The following SPTBN4 variants were observed in gnomAD, a reference collection of about 807,000 sequenced individuals.
SPTBN4 encodes spectrin beta chain, non-erythrocytic 4.
A neutral mutation model predicts 277.8 loss-of-function variants in SPTBN4; 96 were observed. The observed-to-expected ratio is 0.35, with a 90% CI of 0.29 to 0.41. The LOEUF is 0.41. SPTBN4 is among the 10% of genes least tolerant of loss of function. The pLI, the probability that SPTBN4 is intolerant of heterozygous loss-of-function variation, is 1.00. For missense variants in SPTBN4, 3,006 were observed against 3,595.7 expected (o/e 0.84, Z 4.19); for synonymous variants, 1,481 against 1,580.3 (o/e 0.94, Z 1.49).
intron 7 of SPTBN4, among the ~76,000 whole-genome samples, chr19:40,498,414 TTTA>T (rs2080226127): frequency 6.7e-6 from 1 of 148,472 alleles, no homozygotes; most frequent in African/African-American, 2.5e-5. Flanking sequence ...TATTTATTTA[TTTA>T]TTTTTTTAGA....
At position 40,568,027 on chromosome 19, in the gene SPTBN4, A is replaced by G; in HGVS notation, c.6701A>G (p.Gln2234Arg). Residue 2234 changes from glutamine (Q) to arginine (R), a missense_variant, in exon 31 of 36, where the codon CAG (glutamine) becomes CGG (arginine). By Grantham distance (43) the Gln-to-Arg change is conservative (BLOSUM62 1). Transcript: ENST00000598249. The part of the protein sequence containing the change: ...AEQVRPRPER[Q>R]ESADRAEELP... ...CAGGTGCGGCCACGACCGGAGCGCCAGGAGTCAGCTGATCGCGCGGAGGAG... is the reference window on the plus strand; with the variant it reads ...CAGGTGCGGCCACGACCGGAGCGCCGGGAGTCAGCTGATCGCGCGGAGGAG... 6.5e-7 allele frequency: 1 copy of G among 1,545,460 alleles called. No individual in the cohort carries two copies.
intron 7 of SPTBN4, among the ~76,000 whole-genome samples, chr19:40,498,775 C>T (rs1234551604): frequency 1.3e-5 from 2 of 151,814 alleles, no homozygotes; most frequent in African/African-American, 4.8e-5. Context: ...GATCTCGGCT[C>T]ACAGCAACCT....
intron 2 of SPTBN4, among the ~76,000 whole-genome samples, chr19:40,481,794 T>G (rs1027080288): frequency 1.3e-5 from 2 of 151,780 alleles, no homozygotes; most frequent in Non-Finnish European, 2.9e-5. Context: ...GTCTTTTTAA[T>G]TTTAGCCATT....
intron 20 of SPTBN4, among the ~76,000 whole-genome samples, chr19:40,535,560 CA>C (rs56829015): frequency 0.35 from 40,315 of 115,674 alleles, 5,375 homozygotes; most frequent in African/African-American, 0.39. Context: ...TAGTGTATGG[CA>C]AAAAAAAAAA....
intron 20 of SPTBN4, among the ~76,000 whole-genome samples, chr19:40,547,643 C>G (rs1330490603): frequency 1.3e-5 from 2 of 152,190 alleles, no homozygotes; most frequent in Non-Finnish European, 2.9e-5. Context: ...TACATTCCCA[C>G]CAACAGTGTA....
intron 13 of SPTBN4, among the ~76,000 whole-genome samples, chr19:40,511,091 C>A (rs1316328291): frequency 6.6e-6 from 1 of 152,010 alleles, no homozygotes; most frequent in African/African-American, 2.4e-5. Flanking sequence ...GGCACACAGG[C>A]TAACACAGAG....
intron 29 of SPTBN4, 113 bp from the exon 30 acceptor site, chr19:40,566,050 T>C (rs2081088622): frequency 1.7e-6 from 2 of 1,145,244 alleles, no homozygotes; most frequent in Non-Finnish European, 2.4e-6. Flanking sequence ...CCCAGGATGG[T>C]CAGGGCTCGG....
chr19:40,550,082 A>AG (rs1206501397), intron 21 of SPTBN4, among the ~76,000 whole-genome samples, 156 bp from the exon 22 acceptor site: 3 of 151,250 alleles, frequency 2.0e-5, no homozygotes, highest in South Asian at 4.3e-4. Flanking sequence ...CCCATCTCAA[A>AG]GAAAAAAAAA....
chr19:40,532,766 G>A lies in SPTBN4; in HGVS notation c.4090G>A (p.Glu1364Lys), dbSNP rs760167885. ...AQNKEWLEKI[E>K]REGQQLMQEK... ...GAATAAGGAGTGGCTGGAGAAGATC[G>A]AGCGGGTGAGGAAGCTGATGGCCCC... Residue 1364 changes from glutamate to lysine, a missense_variant, in exon 19 of 36, where the codon GAG becomes AAG. Around this residue, in one of 5 missense-constraint regions of SPTBN4, gnomAD observed 1,759 missense variants for 2,061.5 expected, o/e 0.85. Transcript: ENST00000598249. The A allele has an allele frequency of 4.5e-5, 72 of 1,610,348 alleles. No homozygotes were observed. The highest frequency in any genetic ancestry group is 2.2e-5 in the East Asian group (1 of 44,746).
chr19:40,499,662 G>A (rs1299947144), intron 7 of SPTBN4, among the ~76,000 whole-genome samples: 2 of 151,768 alleles, frequency 1.3e-5, no homozygotes, highest in Admixed American at 6.6e-5. Context: ...CTCCCAGAGT[G>A]CCTGGGATTA....
intron 14 of SPTBN4, among the ~76,000 whole-genome samples, chr19:40,513,940 C>T (rs1180038634): frequency 6.6e-6 from 1 of 152,200 alleles, no homozygotes; most frequent in Non-Finnish European, 1.5e-5. Context: ...GGCCCCTCTG[C>T]TGGGAGGCCT....
Position 40,520,171 on chromosome 19 carries a change from A to G in SPTBN4, c.3654+20A>G, listed in dbSNP as rs143588046. 3.7e-3 allele frequency: 4,922 copies of G among 1,340,372 alleles called. 54 individuals are homozygous for G. Among genetic ancestry groups the G allele is most frequent in the African/African-American group, 0.035 (2,223 of 63,726 alleles). The allele number at this position is 1,340,372 out of a possible 1,614,324, so 83.0% of individuals were successfully genotyped here. ...AACCAGGTGCCCACTCGGGGTGTAC[A>G]TTTCGGAGAGGGAGAGTCCGAGGCC... On this transcript the variant is annotated intron_variant, in intron 16 of 35. Transcript: ENST00000598249.
In SPTBN4 at chr19:40,472,733, G is replaced by T. The variant is rs73931308; in HGVS notation, c.112G>T (p.Ala38Ser). 1 of 1,606,950 alleles carries T rather than the reference G, an allele frequency of 6.2e-7. No individual in the cohort carries two copies. Among genetic ancestry groups the T allele is most frequent in the Non-Finnish European group, 8.5e-7 (1 of 1,176,552 alleles). Reference sequence around the variant, plus strand: ...TCGGGGCTGGGAGCGGGAGCAGCCGGCTGCGTCCACCGCAGCGGCCTCGCT... The same window carrying T: ...TCGGGGCTGGGAGCGGGAGCAGCCGTCTGCGTCCACCGCAGCGGCCTCGCT... ...PDRGWEREQPAASTAAASLFE... is the reference protein window; with the variant it reads ...PDRGWEREQPSASTAAASLFE... The change falls in exon 2 of 36, where the codon GCT (alanine) becomes TCT (serine). Residue 38 changes from alanine (A) to serine (S), a missense_variant. Ala to Ser is a moderately conservative substitution (Grantham distance 99). This residue lies in a region of SPTBN4 where 78 missense variants were observed against 65.7 expected (regional missense o/e 1.19). Coordinates refer to ENST00000598249, the MANE Select transcript of SPTBN4 (RefSeq NM_020971.3).
chr19:40,567,171 G>A (rs917352577), intron 30 of SPTBN4: 3 of 455,622 alleles, frequency 6.6e-6, no homozygotes, highest in African/African-American at 6.0e-5. Flanking sequence ...GCACGTGCCT[G>A]TAGTCCCAGC....
At chr19:40,561,786 C>T (rs1214850858) in intron 27 of SPTBN4, among the ~76,000 whole-genome samples, 3 of 148,058 alleles carry the variant, frequency 2.0e-5, no homozygotes, top group South Asian at 2.1e-4. Flanking sequence ...CGTGCCACTG[C>T]ACTCCAGCCT....
At chr19:40,481,129 CAT>C (rs981577433) in intron 2 of SPTBN4, among the ~76,000 whole-genome samples, 69 of 152,242 alleles carry the variant, frequency 4.5e-4, no homozygotes, top group African/African-American at 1.6e-3. Flanking sequence ...ATTTGGTGGA[CAT>C]ATGCGCTTGT....
chr19:40,532,119 G>T lies in SPTBN4; in HGVS notation c.3949-506G>T, dbSNP rs188893265. ...TATCTGGCCATACTGGAGGAACTGG[G>T]GCTAGATATGGGGGCTTCATTTGAT... On this transcript the variant is annotated intron_variant, in intron 18 of 35. Transcript: ENST00000598249. Among the ~76,000 whole-genome samples, 4 of 151,650 alleles carry T rather than the reference G, an allele frequency of 2.6e-5. No individual in the cohort carries two copies. In the East Asian group the frequency reaches 7.8e-4, roughly 30 times the overall value.
chr19:40,554,462 G>C lies in SPTBN4; in HGVS notation c.4953+37G>C, dbSNP rs747171318. 1.0e-5 allele frequency: 15 copies of C among 1,502,058 alleles called. No homozygotes were observed. The East Asian group carries it at 3.0e-4, about 30-fold the overall frequency. 93.0% of individuals were successfully genotyped at this position (1,502,058 alleles called of 1,614,324 possible). A position where few individuals can be genotyped will look rare whatever the true frequency, so the allele number is the denominator to read the frequency against. On this transcript the variant is annotated intron_variant, in intron 23 of 35. Transcript: ENST00000598249. This position sits in a 1 kb window ranked among gnomAD's most constrained non-coding sequence, Gnocchi z 5.7. The stretch of plus-strand genomic sequence containing the variant: ...CTGGGGGTGCGGAGGGCCTGGGGGC[G>C]CTGGAGCCGGGGGCCGCCGCTGCCG...
At chr19:40,549,549 C>T (rs2080894953) in intron 21 of SPTBN4, 136 bp downstream of exon 21, 1 of 646,544 alleles carries the variant, frequency 1.5e-6, no homozygotes, top group Non-Finnish European at 2.5e-6. Flanking sequence ...CAGCCGTTCA[C>T]TCATTCATTC....
Sources: allele counts gnomAD v4.1 joint callset (sites outside exome capture counted in the v4.1 genomes callset), GRCh38; gene constraint gnomAD v4.1.1; regional missense constraint gnomAD v4.1.1; non-coding constraint Gnocchi (gnomAD v3.1); transcripts MANE v1.5; gene names NCBI Gene and HGNC (gene_info 2026-07-23, HGNC 2026-07-21).